The following MAPT variants were observed in gnomAD, a reference collection of about 807,000 sequenced individuals.
The protein encoded by MAPT is microtubule-associated protein tau.
A neutral mutation model predicts 67.9 loss-of-function variants in MAPT; 34 were observed. The observed-to-expected ratio is 0.50, with a 90% CI of 0.38 to 0.67. The LOEUF (loss-of-function observed/expected upper bound fraction) is 0.67. Among genes scored for constraint, MAPT ranks in the 30% least tolerant of loss-of-function variants. MAPT has a pLI of 0.00. For missense variants in MAPT, 881 were observed against 1,115.2 expected (o/e 0.79, Z 2.99); for synonymous variants, 456 against 464.5 (o/e 0.98, Z 0.23).
At chr17:45,939,762 G>A (rs1489250033) in intron 1 of MAPT, among the ~76,000 whole-genome samples, 3 of 152,118 alleles carry the variant, frequency 2.0e-5, no homozygotes, top group Non-Finnish European at 4.4e-5. Flanking sequence ...CACAGAGCAG[G>A]AACAGCCACT....
intron 1 of MAPT, among the ~76,000 whole-genome samples, chr17:45,924,639 A>G (rs1451357225): frequency 6.6e-6 from 1 of 152,148 alleles, no homozygotes; most frequent in Non-Finnish European, 1.5e-5. Context: ...GCGTACACCC[A>G]TGTGTGTCCA....
In MAPT at chr17:45,983,478, A is replaced by C. The variant is rs1318943010; in HGVS notation, c.899A>C (p.Asp300Ala). ...KEEVDEDRDVDESSPQDSPPS... is the reference protein window; with the variant it reads ...KEEVDEDRDVAESSPQDSPPS... ...GAGGTGGATGAAGACCGCGACGTCG[A>C]TGAGTCCTCCCCCCAAGACTCCCCT... The change falls in exon 5 of 13, where the codon GAT becomes GCT. Residue 300 changes from aspartate (D) to alanine (A), a missense_variant. Coordinates refer to ENST00000262410, the MANE Select transcript of MAPT (RefSeq NM_001377265.1). 1 of 1,609,560 alleles carries C rather than the reference A, an allele frequency of 6.2e-7. No individual in the cohort carries two copies. Among genetic ancestry groups the C allele is most frequent in the Admixed American group, 1.7e-5 (1 of 59,878 alleles).
At chr17:45,969,637 C>A (rs890556218) in intron 2 of MAPT, among the ~76,000 whole-genome samples, 4 of 139,084 alleles carry the variant, frequency 2.9e-5, no homozygotes, top group African/African-American at 9.9e-5. Context: ...ATAATCCATT[C>A]TTCCCTCGGT....
At chr17:45,985,708 G>T (rs2073470889) in intron 5 of MAPT, 9 of 985,446 alleles carry the variant, frequency 9.1e-6, no homozygotes, top group Non-Finnish European at 1.1e-5. Context: ...GTTGTGCCGT[G>T]GATGGTGCTG....
intron 1 of MAPT, among the ~76,000 whole-genome samples, chr17:45,957,370 G>A (rs242563): frequency 0.96 from 146,851 of 152,330 alleles, 70,866 homozygotes; most frequent in Non-Finnish European, 0.99. Flanking sequence ...ATTTTTTCAC[G>A]TGTCTGTTGG....
intron 4 of MAPT, among the ~76,000 whole-genome samples, chr17:45,982,106 G>A (rs534398654): frequency 4.8e-4 from 72 of 150,900 alleles, no homozygotes; most frequent in African/African-American, 1.7e-3. Context: ...GGCAGATCAC[G>A]AGGTCAGGAG....
intron 3 of MAPT, chr17:45,974,291 C>T (rs1207176946): frequency 2.2e-6 from 2 of 895,646 alleles, no homozygotes; most frequent in East Asian, 2.6e-5. Context: ...CTCCTCACTC[C>T]TCCTCCCTGC....
intron 1 of MAPT, chr17:45,895,031 C>A: frequency 6.6e-6 from 1 of 152,458 alleles, no homozygotes; most frequent in Non-Finnish European, 1.4e-5. Context: ...TCGACTGCAG[C>A]CTTTTGCCGC....
chr17:45,937,936 C>G (rs547917377), intron 1 of MAPT, among the ~76,000 whole-genome samples: 2 of 152,302 alleles, frequency 1.3e-5, no homozygotes, highest in Admixed American at 1.3e-4. Flanking sequence ...CCATACCCAC[C>G]TTACTGGGCA....
chr17:45,946,502 G>A lies in MAPT; in HGVS notation c.-17-15819G>A, dbSNP rs943763013. Among the ~76,000 whole-genome samples, 15 of 150,596 alleles carry A rather than the reference G, an allele frequency of 1.0e-4. 1 individual carries two copies. Among genetic ancestry groups the A allele is most frequent in the Admixed American group, 6.0e-4 (9 of 14,998 alleles). On this transcript the variant is annotated intron_variant, in intron 1 of 12. Coordinates refer to ENST00000262410, the MANE Select transcript of MAPT (RefSeq NM_001377265.1). ...TAGTCCCAGCTACTTGGGAGGCTGA[G>A]GCAGGAGAATTGCTTGAACCCGAGA... is the stretch of plus-strand genomic sequence containing the variant.
At position 46,028,301 on chromosome 17, in the gene MAPT, TG is replaced by T. The variant is rs1014886089; in HGVS notation, c.*4131del. 1.3e-5 allele frequency: 2 copies of T among 152,614 alleles called. No individual in the cohort carries two copies. 9.5% of individuals were successfully genotyped at this position (152,614 alleles called of 1,614,324 possible). ...TTTACACTGACTGTTGCTGTAAAAG[TG>T]AATTTGGAAATAAAGTTATTACTCT... On this transcript the variant is annotated 3_prime_UTR_variant, in exon 13 of 13. Coordinates refer to ENST00000262410, the MANE Select transcript of MAPT (RefSeq NM_001377265.1).
At chr17:45,936,727 T>C (rs1044197336) in intron 1 of MAPT, among the ~76,000 whole-genome samples, 8 of 152,202 alleles carry the variant, frequency 5.3e-5, no homozygotes, top group African/African-American at 1.9e-4. Context: ...TTGCTCTTAA[T>C]TAACTGGATT....
chr17:45,974,247 C>T (rs903962184), intron 3 of MAPT: 11 of 709,688 alleles, frequency 1.5e-5, no homozygotes, highest in Non-Finnish European at 2.8e-5. Flanking sequence ...CCGGGCCCTA[C>T]TTCAGGGCTG....
intron 8 of MAPT, among the ~76,000 whole-genome samples, chr17:45,992,566 T>C (rs1371632921): frequency 1.3e-5 from 2 of 152,156 alleles, no homozygotes; most frequent in African/African-American, 2.4e-5. Context: ...AGGCATCCAT[T>C]GAGTTATTTT....
chr17:45,914,045 A>C (rs1337085443), intron 1 of MAPT, among the ~76,000 whole-genome samples: 2 of 152,232 alleles, frequency 1.3e-5, no homozygotes, highest in Non-Finnish European at 2.9e-5. Context: ...CTCACAGGAA[A>C]AGGATAAAAA....
At chr17:45,974,333 G>A in intron 3 of MAPT, 2 of 1,318,412 alleles carry the variant, frequency 1.5e-6, no homozygotes, top group African/African-American at 1.4e-5. Flanking sequence ...AAGGTGAGGG[G>A]CTGGGTATGG....
chr17:45,974,313 G>A lies in MAPT; in HGVS notation c.220+2368G>A, dbSNP rs1275329215. The A allele has an allele frequency of 4.7e-5, 52 of 1,106,382 alleles. 1 individual carries two copies. In the Admixed American group the frequency reaches 5.9e-4, roughly 13 times the overall value. 68.5% of individuals were successfully genotyped at this position (1,106,382 alleles called of 1,614,324 possible). ...CTCCTCCTCCCTGCATTGCTCCTGC[G>A]CAAGAAGCAAAGGTGAGGGGCTGGG... On this transcript the variant is annotated intron_variant, in intron 3 of 12. Transcript: ENST00000262410.
rs951967532 is a variant in MAPT at position 45,971,009 on chromosome 17, C to T, written c.134-850C>T. Among the ~76,000 whole-genome samples the T allele has an allele frequency of 1.2e-4, 19 of 152,218 alleles. No individual in the cohort carries two copies. The highest frequency in any genetic ancestry group is 4.6e-4 in the African/African-American group (19 of 41,448). On this transcript the variant is annotated intron_variant, in intron 2 of 12. Coordinates refer to ENST00000262410, the MANE Select transcript of MAPT (RefSeq NM_001377265.1). The surrounding 1 kb of genome is among the most constrained non-coding windows in gnomAD (Gnocchi z 4.3). Reference sequence around the variant, plus strand: ...TTCTCAACCTTCCAGAGTGTAAGGCCTTGACCTGCTCAGCCCTGGATACTG... The same window carrying T: ...TTCTCAACCTTCCAGAGTGTAAGGCTTTGACCTGCTCAGCCCTGGATACTG...
chr17:45,941,688 T>TTCCTTCCCTCCTTCCTTCCTTCCTTCCC (rs1491426788), intron 1 of MAPT, among the ~76,000 whole-genome samples: 2 of 58,502 alleles, frequency 3.4e-5, no homozygotes, highest in South Asian at 1.9e-3. Flanking sequence ...CCCTCCTTCC[T>TTCCTTCCCTCCTTCCTTCCTTCCTTCCC]TCCTTCCTTC....
Sources: allele counts gnomAD v4.1 joint callset (sites outside exome capture counted in the v4.1 genomes callset), GRCh38; gene constraint gnomAD v4.1.1; non-coding constraint Gnocchi (gnomAD v3.1); transcripts MANE v1.5; gene names NCBI Gene and HGNC (gene_info 2026-07-23, HGNC 2026-07-21).